The following CLPSL1 variants were observed in gnomAD, a reference collection of about 807,000 sequenced individuals.
CLPSL1 encodes the protein colipase-like protein 1.
In CLPSL1, 13 loss-of-function variants were observed where a neutral mutation model predicts 9.3. The observed-to-expected ratio is 1.40, with a 90% CI of 0.91 to 2.22. CLPSL1 has a LOEUF of 2.22. CLPSL1 is among the 30% of genes most tolerant of loss of function. The probability of loss-of-function intolerance (pLI) is 0.00; values close to 1 mark genes in which losing one functional copy is unlikely to be tolerated. For synonymous variants in CLPSL1, 58 were observed against 56.9 expected (o/e 1.02, Z -0.08); for missense variants, 164 against 146.6 (o/e 1.12, Z -0.61).
intron 2 of CLPSL1, among the ~76,000 whole-genome samples, chr6:35,787,445 C>T (rs867682563): frequency 7.2e-5 from 11 of 152,266 alleles, no homozygotes; most frequent in African/African-American, 2.4e-4. Context: ...CCAGCCTCTG[C>T]CCCAGAGCCC....
chr6:35,788,964 T>C (rs1340357183), downstream of CLPSL1, among the ~76,000 whole-genome samples: 7 of 152,272 alleles, frequency 4.6e-5, no homozygotes, highest in Admixed American at 3.3e-4. Context: ...CTCCAGGATG[T>C]TGGGCTTAGG....
At chr6:35,783,726 T>C (rs1768013638) in intron 1 of CLPSL1, among the ~76,000 whole-genome samples, 1 of 147,560 alleles carries the variant, frequency 6.8e-6, no homozygotes, top group Admixed American at 7.0e-5. Context: ...GAGAATGGCG[T>C]GAACCTGGGA....
rs1316508014 is a variant in CLPSL1 at position 35,781,064 on chromosome 6, C to T, written c.-47C>T. The T allele has an allele frequency of 3.1e-6, 5 of 1,607,750 alleles. No homozygotes were observed. ...GGAGGACACCCACATGGTCGGCGTG[C>T]AGGATATTTCGCTGGACCCTAGAAA... On this transcript the variant is annotated 5_prime_UTR_variant, in exon 1 of 3. It introduces an in-frame stop codon into an upstream open reading frame of the 5' UTR. Transcript: ENST00000373861.
intron 1 of CLPSL1, among the ~76,000 whole-genome samples, chr6:35,784,301 T>C (rs768783876): frequency 6.6e-6 from 1 of 152,016 alleles, no homozygotes; most frequent in Non-Finnish European, 1.5e-5. Flanking sequence ...GAGAGCAAGG[T>C]TTTATCATGC....
chr6:35,789,508 A>G (rs1440250125), downstream of CLPSL1, among the ~76,000 whole-genome samples: 10 of 152,274 alleles, frequency 6.6e-5, no homozygotes, highest in Non-Finnish European at 5.9e-5. Context: ...TAGGGGAACT[A>G]TTACACGACA....
At chr6:35,789,702 T>C (rs1768151252), downstream of CLPSL1, among the ~76,000 whole-genome samples, 1 of 152,232 alleles carries the variant, frequency 6.6e-6, no homozygotes, top group Non-Finnish European at 1.5e-5. Context: ...GAGACCAGCC[T>C]GGCCATCATG....
At chr6:35,782,580 G>A (rs571367015) in intron 1 of CLPSL1, among the ~76,000 whole-genome samples, 2 of 152,216 alleles carry the variant, frequency 1.3e-5, no homozygotes, top group Admixed American at 6.5e-5. Context: ...GAGGCAGGAG[G>A]GGGAGGCAGC....
At chr6:35,786,669 A>T (rs1278092073) in intron 1 of CLPSL1, among the ~76,000 whole-genome samples, 2 of 151,434 alleles carry the variant, frequency 1.3e-5, no homozygotes, top group Non-Finnish European at 2.9e-5. Context: ...AAGGGTGAGT[A>T]TGAGTTTTGG....
intron 2 of CLPSL1, among the ~76,000 whole-genome samples, chr6:35,787,394 G>A (rs1768104220): frequency 6.6e-6 from 1 of 152,274 alleles, no homozygotes; most frequent in Non-Finnish European, 1.5e-5. Flanking sequence ...AGTCTTCTCA[G>A]CAAATTCCGA....
downstream of CLPSL1, among the ~76,000 whole-genome samples, chr6:35,789,164 C>T (rs1344600092): frequency 2.0e-5 from 3 of 152,220 alleles, no homozygotes; most frequent in African/African-American, 7.2e-5. Context: ...TATGAAATGA[C>T]CGTGGAAGGA....
downstream of CLPSL1, among the ~76,000 whole-genome samples, chr6:35,791,572 C>T (rs1455033395): frequency 6.6e-6 from 1 of 151,332 alleles, no homozygotes; most frequent in African/African-American, 2.4e-5. Flanking sequence ...CGTGCCATTG[C>T]ATTCCGGCCT....
downstream of CLPSL1, among the ~76,000 whole-genome samples, chr6:35,791,355 A>G (rs942628412): frequency 6.6e-6 from 1 of 152,284 alleles, no homozygotes; most frequent in Non-Finnish European, 1.5e-5. Flanking sequence ...TCACGCCTGT[A>G]ATCCTAGCAC....
chr6:35,781,264 C>G, intron 1 of CLPSL1, 55 bp downstream of exon 1: 5 of 1,592,050 alleles, frequency 3.1e-6, no homozygotes, highest in Non-Finnish European at 3.4e-6. Context: ...AAGGCCTGTA[C>G]TATTTGGGGA....
chr6:35,787,486 G>A, intron 2 of CLPSL1, among the ~76,000 whole-genome samples: 1 of 152,264 alleles, frequency 6.6e-6, no homozygotes, highest in East Asian at 1.9e-4. Flanking sequence ...GTTCTGCTGT[G>A]GCCCCGGGTG....
chr6:35,786,970 C>G (rs1182270568), intron 1 of CLPSL1, 28 bp from the exon 2 acceptor site: 1 of 1,558,034 alleles, frequency 6.4e-7, no homozygotes, highest in Non-Finnish European at 8.7e-7. Context: ...GGCGGTGGAG[C>G]CTGGCGGTGC....
At position 35,781,131 on chromosome 6, in the gene CLPSL1, G is replaced by A. The variant is rs1313973100; in HGVS notation, c.21G>A (p.Leu7=). 2 of 1,613,932 alleles carry A rather than the reference G, an allele frequency of 1.2e-6. No homozygotes were observed. Among genetic ancestry groups the A allele is most frequent in the East Asian group, 4.5e-5 (2 of 44,894 alleles). The change falls in exon 1 of 3, where the codon CTG becomes CTA. Residue 7 remains leucine (L), a synonymous_variant. Transcript: ENST00000373861. MMLPQW[L]LLLFLLFFFL... ...GGGCCATGATGCTACCCCAATGGCT[G>A]CTGCTGCTGTTCCTTCTCTTCTTCT...
At chr6:35,784,736 T>TAG (rs1329857026) in intron 1 of CLPSL1, among the ~76,000 whole-genome samples, 2 of 152,196 alleles carry the variant, frequency 1.3e-5, no homozygotes. Flanking sequence ...TCCTGTCTCT[T>TAG]ACTGGTGGAA....
intron 1 of CLPSL1, among the ~76,000 whole-genome samples, chr6:35,783,525 G>T (rs867143829): frequency 1.3e-5 from 2 of 151,184 alleles, no homozygotes; most frequent in Non-Finnish European, 2.9e-5. Flanking sequence ...AAAAAAGGGG[G>T]GCTGGGCGCG....
At chr6:35,782,954 T>C (rs1767994326) in intron 1 of CLPSL1, among the ~76,000 whole-genome samples, 1 of 152,150 alleles carries the variant, frequency 6.6e-6, no homozygotes. Flanking sequence ...ATATTACTTA[T>C]TGTTATGTAT....
Sources: gnomAD v4.1 joint callset for allele counts (sites outside exome capture counted in the v4.1 genomes callset) on GRCh38, gnomAD v4.1.1 for gene constraint, MANE v1.5 for transcripts, NCBI Gene and HGNC (gene_info 2026-07-23, HGNC 2026-07-21) for gene names.